FAM228B: variants seen among roughly 807,000 people sequenced by gnomAD.
FAM228B encodes the protein family with sequence similarity 228 member B, also known as protein FAM228B.
Under a neutral mutation model 42.6 loss-of-function variants are expected in FAM228B, and 38 were observed. The observed-to-expected ratio is 0.89, with a 90% confidence interval of 0.69 to 1.17. The LOEUF is 1.17. Among genes scored for constraint, FAM228B ranks in the 50% most tolerant of loss-of-function variants. FAM228B has a pLI of 0.00. For synonymous variants in FAM228B, 109 were observed against 122.3 expected (o/e 0.89, Z 0.72); for missense variants, 344 against 367.3 (o/e 0.94, Z 0.52).
rs114884721 is a variant in FAM228B at position 24,148,426 on chromosome 2, C to G, written c.686+1340C>G. On this transcript the variant is annotated intron_variant, in intron 7 of 10. Coordinates refer to ENST00000615575, the MANE Select transcript of FAM228B (RefSeq NM_001145710.2). ...GCTTAGGCCTCAGAAGCAGGACTTT[C>G]CTGAGGTTCCTTTTCCTTATCCTTG... Among the ~76,000 whole-genome samples, 1,066 of 152,296 alleles carry G rather than the reference C, an allele frequency of 7.0e-3. 8 individuals are homozygous for G. The highest frequency in any genetic ancestry group is 0.025 in the African/African-American group (1,027 of 41,566).
chr2:24,118,993 A>G (rs1666012956), upstream of FAM228B, among the ~76,000 whole-genome samples: 1 of 152,240 alleles, frequency 6.6e-6, no homozygotes, highest in African/African-American at 2.4e-5. Flanking sequence ...TCTCACCGAT[A>G]TAATACCCAA....
In FAM228B at chr2:24,077,571, A is replaced by G. The variant is rs377058047; in HGVS notation, c.-290+602A>G. The stretch of plus-strand genomic sequence containing the variant: ...GGGTGGCCGCGTCCTGTCCTGCCCC[A>G]TCCTCCTTCACTGGGGCAGTTCCAG... On this transcript the variant is annotated intron_variant, in intron 1 of 10. Transcript: ENST00000613899. This position sits in a 1 kb window ranked among gnomAD's most constrained non-coding sequence, Gnocchi z 5.5. 6.3e-7 allele frequency: 1 copy of G among 1,589,488 alleles called. No individual in the cohort carries two copies. Among genetic ancestry groups the G allele is most frequent in the East Asian group, 2.3e-5 (1 of 42,870 alleles).
At chr2:24,102,131 T>C (rs1329693319) in intron 3 of FAM228B, among the ~76,000 whole-genome samples, 1 of 152,230 alleles carries the variant, frequency 6.6e-6, no homozygotes, top group Non-Finnish European at 1.5e-5. Flanking sequence ...CATCAAAAGT[T>C]GTTTTCAATG....
chr2:24,120,244 G>A (rs1666062518), upstream of FAM228B, among the ~76,000 whole-genome samples: 1 of 151,472 alleles, frequency 6.6e-6, no homozygotes, highest in African/African-American at 2.4e-5. Context: ...ACTCCAGCCT[G>A]GGCGACAAAA....
chr2:24,131,978 G>C (rs1666465474), intron 2 of FAM228B, among the ~76,000 whole-genome samples: 1 of 152,042 alleles, frequency 6.6e-6, no homozygotes, highest in Admixed American at 6.6e-5. Flanking sequence ...GTCATAAATG[G>C]CTCTTATTAT....
Position 24,158,196 on chromosome 2 carries a change from C to CTTTTTTTTTTTTTTTTTT in FAM228B, c.687-3293_687-3292insTTTTTTTTTTTTTTTTTT, listed in dbSNP as rs1322122366. On this transcript the variant is annotated intron_variant, in intron 7 of 10. Transcript: ENST00000615575. ...ATGCTGGGCTTTCTCTCTGAACCTC[C>CTTTTTTTTTTTTTTTTTT]TTTTTTTTTTTTTTTTTCCAAAACA... Among the ~76,000 whole-genome samples, 100 of 53,204 alleles carry CTTTTTTTTTTTTTTTTTT rather than the reference C, an allele frequency of 1.9e-3. 37 individuals are homozygous for CTTTTTTTTTTTTTTTTTT. The highest frequency in any genetic ancestry group is 3.1e-3 in the South Asian group (4 of 1,280). 34.9% of individuals were successfully genotyped at this position (53,204 alleles called of 152,430 possible). A position where few individuals can be genotyped will look rare whatever the true frequency, so the allele number is the denominator to read the frequency against.
chr2:24,144,093 C>T (rs898699829), intron 5 of FAM228B, among the ~76,000 whole-genome samples: 9 of 152,086 alleles, frequency 5.9e-5, no homozygotes, highest in Admixed American at 5.2e-4. Context: ...TGTCTCCGGA[C>T]TTATAATTGT....
At chr2:24,130,123 T>C in intron 2 of FAM228B, among the ~76,000 whole-genome samples, 1 of 152,240 alleles carries the variant, frequency 6.6e-6, no homozygotes, top group East Asian at 1.9e-4. Context: ...TTCATCTATG[T>C]CCCTGCAAAG....
intron 7 of FAM228B, among the ~76,000 whole-genome samples, chr2:24,155,928 G>T (rs1019778399): frequency 3.3e-5 from 5 of 152,074 alleles, no homozygotes; most frequent in African/African-American, 1.2e-4. Context: ...TTCAAATTTT[G>T]AGGATAATTG....
chr2:24,148,614 A>G (rs1184570158), intron 7 of FAM228B, among the ~76,000 whole-genome samples: 1 of 152,042 alleles, frequency 6.6e-6, no homozygotes. Flanking sequence ...GTAGGTGTAT[A>G]TATTTATGAG....
In FAM228B at chr2:24,080,002, C is replaced by A. The variant is rs1038115503; in HGVS notation, c.-289-874C>A. ...TCACATAGAAGTTAGGAAGTGTCCG[C>A]ACTAGGTTATTGGAATCATAGGCTT... On this transcript the variant is annotated intron_variant, in intron 1 of 10. Coordinates refer to the FAM228B transcript ENST00000613899. This position sits in a 1 kb window ranked among gnomAD's most constrained non-coding sequence, Gnocchi z 4.7. Among the ~76,000 whole-genome samples, 8 of 152,136 alleles carry A rather than the reference C, an allele frequency of 5.3e-5. No individual in the cohort carries two copies. The highest frequency in any genetic ancestry group is 1.9e-4 in the African/African-American group (8 of 41,428).
chr2:24,152,022 C>T lies in FAM228B; in HGVS notation c.686+4936C>T, dbSNP rs144503078. Among the ~76,000 whole-genome samples, 374 of 152,156 alleles carry T rather than the reference C, an allele frequency of 2.5e-3. 16 individuals carry two copies. The East Asian group carries it at 0.064, about 26-fold the overall frequency. On this transcript the variant is annotated intron_variant, in intron 7 of 10. Transcript: ENST00000615575. ...TAGCTGGGATTACAGATGTGTGCCA[C>T]CATGCCTGGCTAATTTTTCTATTTT...
At chr2:24,122,388 A>G (rs1666146102), upstream of FAM228B, 1 of 1,446,548 alleles carries the variant, frequency 6.9e-7, no homozygotes, top group African/African-American at 1.4e-5. Flanking sequence ...TAAGTAAATC[A>G]AGTCTTAGGT....
At chr2:24,120,540 CAG>C (rs1465368319), upstream of FAM228B, among the ~76,000 whole-genome samples, 2 of 151,730 alleles carry the variant, frequency 1.3e-5, no homozygotes, top group African/African-American at 2.4e-5. Context: ...TTATAAGCAA[CAG>C]AGAGCTGATT....
chr2:24,131,503 T>G (rs2151016021), intron 2 of FAM228B, among the ~76,000 whole-genome samples: 1 of 152,354 alleles, frequency 6.6e-6, no homozygotes, highest in South Asian at 2.1e-4. Flanking sequence ...TCTTATTTCC[T>G]TGAGCAGTGG....
chr2:24,081,869 G>T (rs1405466120), intron 2 of FAM228B, among the ~76,000 whole-genome samples: 3 of 151,526 alleles, frequency 2.0e-5, no homozygotes, highest in African/African-American at 7.3e-5. Context: ...CTAATTTTTT[G>T]TATTTTTAGT....
rs1667503031 is a variant in FAM228B, at chr2:24,169,016, C to T, written c.*15-340C>T. On this transcript the variant is annotated intron_variant, in intron 10 of 10. Coordinates refer to ENST00000615575, the MANE Select transcript of FAM228B (RefSeq NM_001145710.2). The surrounding 1 kb of genome is among the most constrained non-coding windows in gnomAD (Gnocchi z 4.2). ...AGGGAAGAAAGGAACCTAGTATTTT[C>T]TAAATCACAACAATCCAAGTGGAAA... is the stretch of plus-strand genomic sequence containing the variant. Among the ~76,000 whole-genome samples the T allele has an allele frequency of 1.3e-5, 2 of 152,196 alleles. No individual in the cohort carries two copies. The highest frequency in any genetic ancestry group is 4.1e-4 in the South Asian group (2 of 4,830).
At chr2:24,092,218 C>CAAAA (rs34189159) in intron 2 of FAM228B, among the ~76,000 whole-genome samples, 2 of 29,988 alleles carry the variant, frequency 6.7e-5, no homozygotes, top group Non-Finnish European at 1.1e-4. Context: ...GACTCTGTCT[C>CAAAA]AAAAAAAAAA....
chr2:24,082,955 T>C, intron 2 of FAM228B: 1 of 1,614,012 alleles, frequency 6.2e-7, no homozygotes, highest in Non-Finnish European at 8.5e-7. Flanking sequence ...TCAGGGTCAA[T>C]CCCTCTGGGA....
Sources: gnomAD v4.1 joint callset for allele counts (sites outside exome capture counted in the v4.1 genomes callset) on GRCh38, gnomAD v4.1.1 for gene constraint, Gnocchi (gnomAD v3.1) non-coding constraint, MANE v1.5 for transcripts, NCBI Gene and HGNC (gene_info 2026-07-23, HGNC 2026-07-21) for gene names.